Variants in GALNT1 observed in about 807,000 individuals in gnomAD.
GALNT1 encodes the protein GalNAc transferase 1.
GALNT1 carries 17 observed loss-of-function variants against 65.7 expected under a neutral mutation model. That is an observed-to-expected ratio of 0.26 (90% CI 0.18 to 0.39). The LOEUF (loss-of-function observed/expected upper bound fraction) is 0.39. Among genes scored for constraint, GALNT1 ranks in the 10% least tolerant of loss-of-function variants. The pLI is 1.00. For synonymous variants in GALNT1, 210 were observed against 219.7 expected (o/e 0.96, Z 0.39); for missense variants, 460 against 672.8 (o/e 0.68, Z 3.50).
At position 35,590,283 on chromosome 18, in the gene GALNT1, A is replaced by G. The variant is rs1486279310; in HGVS notation, c.-104+8421A>G. ...TTAGAATTCTTATAAATTTTTACAA[A>G]TTATAAATTCTTATAAATCGTTATG... On this transcript the variant is annotated intron_variant, in intron 1 of 11. Coordinates refer to ENST00000269195, the MANE Select transcript of GALNT1 (RefSeq NM_020474.4). 2.6e-5 allele frequency among the ~76,000 whole-genome samples: 4 copies of G among 152,332 alleles called. No homozygotes were observed. The East Asian group carries it at 7.7e-4, about 29-fold the overall frequency.
intron 2 of GALNT1, among the ~76,000 whole-genome samples, chr18:35,659,009 A>C (rs1598798005): frequency 6.6e-6 from 1 of 152,156 alleles, no homozygotes; most frequent in Non-Finnish European, 1.5e-5. Flanking sequence ...TGTGCCTGGC[A>C]TCAAAGTCTC....
At chr18:35,594,147 A>C (rs1197046403) in intron 1 of GALNT1, among the ~76,000 whole-genome samples, 1 of 152,062 alleles carries the variant, frequency 6.6e-6, no homozygotes, top group Admixed American at 6.6e-5. Context: ...CTTTGCCTGA[A>C]AGTTACCTTG....
At chr18:35,672,271 A>T (rs1028560890) in intron 3 of GALNT1, among the ~76,000 whole-genome samples, 2 of 152,108 alleles carry the variant, frequency 1.3e-5, no homozygotes, top group Non-Finnish European at 2.9e-5. Flanking sequence ...GGAGAAGCTG[A>T]CTCCAAAGGG....
chr18:35,679,147 C>T (rs975549167), intron 4 of GALNT1, among the ~76,000 whole-genome samples: 2 of 152,120 alleles, frequency 1.3e-5, no homozygotes, highest in East Asian at 3.8e-4. Flanking sequence ...TGTGGATAAT[C>T]TATTTGCTAG....
chr18:35,679,091 A>C (rs1014488914), intron 4 of GALNT1, among the ~76,000 whole-genome samples: 2 of 152,212 alleles, frequency 1.3e-5, no homozygotes, highest in Non-Finnish European at 2.9e-5. Context: ...AGTTAAGAAT[A>C]CCACACGTAA....
chr18:35,648,877 G>C (rs1019029940), intron 1 of GALNT1, among the ~76,000 whole-genome samples: 9 of 152,086 alleles, frequency 5.9e-5, no homozygotes, highest in Non-Finnish European at 1.2e-4. Flanking sequence ...TTCATTTATG[G>C]GCAATCCCCT....
intron 1 of GALNT1, among the ~76,000 whole-genome samples, chr18:35,600,332 G>T (rs72958850): frequency 0.095 from 14,478 of 152,048 alleles, 833 homozygotes; most frequent in African/African-American, 0.17. Context: ...TTTGTTTGAT[G>T]TTGGTGTGTA....
chr18:35,685,217 TAC>T (rs148713538), intron 5 of GALNT1, among the ~76,000 whole-genome samples: 8 of 152,106 alleles, frequency 5.3e-5, no homozygotes, highest in African/African-American at 1.2e-4. Context: ...ACCAGCAATA[TAC>T]ACACACACAC....
chr18:35,639,620 A>C (rs866299056), intron 1 of GALNT1, among the ~76,000 whole-genome samples: 1 of 152,116 alleles, frequency 6.6e-6, no homozygotes, highest in African/African-American at 2.4e-5. Flanking sequence ...GTTAGGTGCT[A>C]TGCATTTATT....
chr18:35,636,693 C>A (rs2047092902), intron 1 of GALNT1, among the ~76,000 whole-genome samples: 1 of 151,698 alleles, frequency 6.6e-6, no homozygotes. Flanking sequence ...AAATAAATAT[C>A]CAGAGAGCAT....
chr18:35,705,116 C>A (rs1242132053), intron 11 of GALNT1, among the ~76,000 whole-genome samples: 1 of 152,176 alleles, frequency 6.6e-6, no homozygotes, highest in Non-Finnish European at 1.5e-5. Flanking sequence ...CATCTTTCCT[C>A]CCTTTACTGT....
chr18:35,638,887 G>C (rs990600873), intron 1 of GALNT1, among the ~76,000 whole-genome samples: 2 of 152,214 alleles, frequency 1.3e-5, no homozygotes, highest in African/African-American at 4.8e-5. Flanking sequence ...AATAGCAAGA[G>C]AACTAGAATT....
At chr18:35,653,480 G>A (rs1322850505) in intron 1 of GALNT1, among the ~76,000 whole-genome samples, 1 of 152,146 alleles carries the variant, frequency 6.6e-6, no homozygotes, top group Non-Finnish European at 1.5e-5. Flanking sequence ...CCACATTCTG[G>A]TCCTTCCAGG....
intron 1 of GALNT1, among the ~76,000 whole-genome samples, chr18:35,620,494 G>A (rs1484662867): frequency 6.6e-6 from 1 of 152,146 alleles, no homozygotes; most frequent in Admixed American, 6.6e-5. Flanking sequence ...TTCTGATATA[G>A]TTGAAGCCCT....
At chr18:35,638,239 C>T (rs1055058748) in intron 1 of GALNT1, among the ~76,000 whole-genome samples, 3 of 152,128 alleles carry the variant, frequency 2.0e-5, no homozygotes, top group African/African-American at 7.2e-5. Flanking sequence ...CCACAGACCC[C>T]GACCAAGCGA....
intron 11 of GALNT1, among the ~76,000 whole-genome samples, chr18:35,707,948 T>C (rs2048291823): frequency 6.6e-6 from 1 of 152,240 alleles, no homozygotes; most frequent in South Asian, 2.1e-4. Flanking sequence ...TGTTTTCCAA[T>C]AATAAGCATT....
chr18:35,604,747 C>A (rs1277516691), intron 1 of GALNT1, among the ~76,000 whole-genome samples: 1 of 152,036 alleles, frequency 6.6e-6, no homozygotes, highest in East Asian at 1.9e-4. Flanking sequence ...TTCCTTTGTC[C>A]ATCTTTTAAT....
chr18:35,685,234 A>ACG (rs2047849346), intron 5 of GALNT1, among the ~76,000 whole-genome samples: 2 of 152,060 alleles, frequency 1.3e-5, no homozygotes, highest in African/African-American at 2.4e-5. Context: ...ACACACGTGC[A>ACG]CGTATGCGTG....
At chr18:35,637,200 G>A (rs1349732136) in intron 1 of GALNT1, among the ~76,000 whole-genome samples, 1 of 152,096 alleles carries the variant, frequency 6.6e-6, no homozygotes, top group Non-Finnish European at 1.5e-5. Context: ...CCCTACAGTG[G>A]CCTCTAAGCA....
Sources: allele counts gnomAD v4.1 joint callset (sites outside exome capture counted in the v4.1 genomes callset), GRCh38; gene constraint gnomAD v4.1.1; transcripts MANE v1.5; gene names NCBI Gene and HGNC (gene_info 2026-07-23, HGNC 2026-07-21).